NRCAM: variants seen among roughly 807,000 people sequenced by gnomAD.
NRCAM encodes the protein neuronal cell adhesion molecule.
NRCAM carries 83 observed loss-of-function variants against 156.5 expected under a neutral mutation model. The observed-to-expected ratio is 0.53, with a 90% CI of 0.44 to 0.64. The LOEUF is 0.64. NRCAM is among the 30% of genes least tolerant of loss of function. NRCAM has a pLI of 0.00. For missense variants in NRCAM, 1,417 were observed against 1,597.3 expected (o/e 0.89, Z 1.92); for synonymous variants, 538 against 563.9 (o/e 0.95, Z 0.65).
rs2040177305 is a variant in NRCAM, at chr7:108,149,654, A to C, written c.*256T>G. 2.0e-6 allele frequency: 1 copy of C among 489,512 alleles called. No individual in the cohort carries two copies. 30.3% of individuals were successfully genotyped at this position (489,512 alleles called of 1,614,324 possible). ...GAGGAAATAACAGGATCTGTTGGTGATGTTGCATTATTTTTTATCAGTTCT... is the reference window on the plus strand; with the variant it reads ...GAGGAAATAACAGGATCTGTTGGTGCTGTTGCATTATTTTTTATCAGTTCT... On this transcript the variant is annotated 3_prime_UTR_variant, in exon 33 of 33. Coordinates refer to ENST00000379028, the MANE Select transcript of NRCAM (RefSeq NM_001037132.4).
intron 3 of NRCAM, among the ~76,000 whole-genome samples, chr7:108,295,651 G>A (rs1352210565): frequency 6.6e-6 from 1 of 152,176 alleles, no homozygotes; most frequent in Non-Finnish European, 1.5e-5. Context: ...TGAATTTTGG[G>A]GGGACACAAA....
chr7:108,184,503 T>C lies in NRCAM; in HGVS notation c.2147A>G (p.Asn716Ser). 1 of 1,614,164 alleles carries C rather than the reference T, an allele frequency of 6.2e-7. No individual in the cohort carries two copies. The highest frequency in any genetic ancestry group is 8.5e-7 in the Non-Finnish European group (1 of 1,180,032). ...TAQLKLSPYV[N>S]YSFRVMAVNS... ...CACTGCCATCACGCGGAAGGAGTAG[T>C]TCACGTAAGGAGACAGCTTCAGCTG... is the stretch of plus-strand genomic sequence containing the variant. The change falls in exon 21 of 33, where the codon AAC becomes AGC. Residue 716 changes from asparagine to serine, a missense_variant. By Grantham distance (46) the Asn-to-Ser change is conservative. This residue lies in a region of NRCAM where 1,238 missense variants were observed against 1,336.4 expected (regional missense o/e 0.93). Transcript: ENST00000379028.
chr7:108,442,508 A>G (rs1839769170), intron 1 of NRCAM, among the ~76,000 whole-genome samples: 1 of 152,212 alleles, frequency 6.6e-6, no homozygotes. Flanking sequence ...TGTTGTCCAG[A>G]ACAGGGAATA....
At chr7:108,384,362 GA>G (rs1487496813) in intron 2 of NRCAM, among the ~76,000 whole-genome samples, 1 of 151,876 alleles carries the variant, frequency 6.6e-6, no homozygotes, top group South Asian at 2.1e-4. Context: ...TGAACTGGTA[GA>G]AAAAAAATAA....
intron 3 of NRCAM, among the ~76,000 whole-genome samples, chr7:108,254,105 T>C (rs954826027): frequency 5.3e-5 from 8 of 152,146 alleles, no homozygotes; most frequent in African/African-American, 1.9e-4. Context: ...TTCTTAGCTA[T>C]GACACCAAAA....
intron 2 of NRCAM, among the ~76,000 whole-genome samples, chr7:108,354,648 A>G (rs892086266): frequency 6.6e-6 from 1 of 151,986 alleles, no homozygotes; most frequent in African/African-American, 2.4e-5. Context: ...TAATCCCAGC[A>G]CTTTGGGAGG....
intron 2 of NRCAM, among the ~76,000 whole-genome samples, chr7:108,395,574 G>A (rs550453055): frequency 2.0e-5 from 3 of 152,286 alleles, no homozygotes; most frequent in Admixed American, 6.5e-5. Context: ...ATGCAAAAGT[G>A]TCACCCTGGC....
chr7:108,430,259 CCT>C (rs1490088429), intron 1 of NRCAM, among the ~76,000 whole-genome samples: 2 of 152,232 alleles, frequency 1.3e-5, no homozygotes, highest in Admixed American at 1.3e-4. Flanking sequence ...GTTAGAGGAT[CCT>C]CTGTTTGCTA....
At chr7:108,359,856 T>C (rs2099536636) in intron 2 of NRCAM, among the ~76,000 whole-genome samples, 1 of 152,166 alleles carries the variant, frequency 6.6e-6, no homozygotes, top group Non-Finnish European at 1.5e-5. Flanking sequence ...TCTTGCCTCA[T>C]TCAAATCTGC....
chr7:108,319,988 C>T (rs1340102397), intron 2 of NRCAM, among the ~76,000 whole-genome samples: 1 of 152,138 alleles, frequency 6.6e-6, no homozygotes, highest in Non-Finnish European at 1.5e-5. Context: ...TATTTTGCTG[C>T]TCTGACAATT....
intron 3 of NRCAM, among the ~76,000 whole-genome samples, chr7:108,308,689 T>C (rs967050394): frequency 3.3e-5 from 5 of 152,242 alleles, no homozygotes; most frequent in Admixed American, 6.5e-5. Context: ...GAGAAAATGC[T>C]GATGTCTTTC....
intron 1 of NRCAM, among the ~76,000 whole-genome samples, chr7:108,433,342 T>C (rs529295751): frequency 3.3e-4 from 51 of 152,298 alleles, no homozygotes; most frequent in African/African-American, 1.2e-3. Context: ...ATATAGGCTC[T>C]GGCTCTAAGA....
At chr7:108,309,316 T>G (rs910709708) in intron 3 of NRCAM, among the ~76,000 whole-genome samples, 1 of 152,188 alleles carries the variant, frequency 6.6e-6, no homozygotes, top group Non-Finnish European at 1.5e-5. Flanking sequence ...TGAATCAAAC[T>G]TTACTGGTAT....
chr7:108,339,799 C>T (rs6942944), intron 2 of NRCAM, among the ~76,000 whole-genome samples: 37,445 of 151,602 alleles, frequency 0.25, 5,025 homozygotes, highest in Non-Finnish European at 0.3. Context: ...GTTCTTTTTT[C>T]AGATGGGAAA....
rs2040256402 is a variant in NRCAM, at chr7:108,149,902, C to T, written c.*8G>A. 6.2e-7 allele frequency: 1 copy of T among 1,600,738 alleles called. No individual in the cohort carries two copies. The highest frequency in any genetic ancestry group is 1.4e-5 in the African/African-American group (1 of 73,970). On this transcript the variant is annotated 3_prime_UTR_variant, in exon 33 of 33. Coordinates refer to ENST00000379028, the MANE Select transcript of NRCAM (RefSeq NM_001037132.4). Reference sequence around the variant, plus strand: ...AGAGAAATGGAATATTGGCAAAGAGCTTAAAAATTAAACAAAGGAATTCAT... The same window carrying T: ...AGAGAAATGGAATATTGGCAAAGAGTTTAAAAATTAAACAAAGGAATTCAT...
At chr7:108,236,852 A>T (rs997891209) in intron 5 of NRCAM, among the ~76,000 whole-genome samples, 1 of 151,978 alleles carries the variant, frequency 6.6e-6, no homozygotes, top group Non-Finnish European at 1.5e-5. Flanking sequence ...GATTCTTAGG[A>T]GTGACTCAGT....
intron 3 of NRCAM, among the ~76,000 whole-genome samples, chr7:108,301,736 G>A (rs2154153431): frequency 6.6e-6 from 1 of 152,180 alleles, no homozygotes; most frequent in Admixed American, 6.5e-5. Context: ...TATGGGTTTT[G>A]ATTAAAAAAT....
In NRCAM at chr7:108,443,348, T is replaced by C. The variant is rs561491905; in HGVS notation, c.-332+12895A>G. Reference sequence around the variant, plus strand: ...AGACATCATAAAGGACCAGCTGAAATGGTTTTAGAGTTCACAGTATATTCA... The same window carrying C: ...AGACATCATAAAGGACCAGCTGAAACGGTTTTAGAGTTCACAGTATATTCA... On this transcript the variant is annotated intron_variant, in intron 1 of 32. Coordinates refer to ENST00000379028, the MANE Select transcript of NRCAM (RefSeq NM_001037132.4). 2.0e-5 allele frequency among the ~76,000 whole-genome samples: 3 copies of C among 152,260 alleles called. No individual in the cohort carries two copies. The South Asian group carries it at 6.2e-4, about 32-fold the overall frequency.
intron 3 of NRCAM, among the ~76,000 whole-genome samples, chr7:108,277,366 G>A (rs2097676462): frequency 6.6e-6 from 1 of 152,118 alleles, no homozygotes; most frequent in African/African-American, 2.4e-5. Context: ...TCACTTTCAG[G>A]TATACCAATC....
Sources: gnomAD v4.1 joint callset for allele counts (sites outside exome capture counted in the v4.1 genomes callset) on GRCh38, gnomAD v4.1.1 for gene constraint, gnomAD v4.1.1 regional missense constraint, MANE v1.5 for transcripts, NCBI Gene and HGNC (gene_info 2026-07-23, HGNC 2026-07-21) for gene names.